The following DPY19L3 variants were observed in gnomAD, a reference collection of about 807,000 sequenced individuals.
DPY19L3 encodes protein C-mannosyl-transferase DPY19L3.
DPY19L3 carries 51 observed loss-of-function variants against 92.3 expected under a neutral mutation model. The ratio of observed to expected loss-of-function variants is 0.55; its 90% CI spans 0.44 to 0.70. The LOEUF is 0.70. Among genes scored for constraint, DPY19L3 ranks in the 30% least tolerant of loss-of-function variants. The probability of loss-of-function intolerance (pLI) is 0.00; values close to 1 mark genes in which losing one functional copy is unlikely to be tolerated. For missense variants in DPY19L3, 706 were observed against 855.9 expected (o/e 0.82, Z 2.18); for synonymous variants, 309 against 315.2 (o/e 0.98, Z 0.21).
At chr19:32,437,474 G>T in intron 6 of DPY19L3, 135 bp downstream of exon 6, 1 of 1,017,000 alleles carries the variant, frequency 9.8e-7, no homozygotes. Flanking sequence ...TTGCCTGGTG[G>T]TTTACTCAAT....
intron 7 of DPY19L3, 135 bp downstream of exon 7, chr19:32,439,370 A>ATTT (rs1969252426): frequency 2.1e-6 from 2 of 971,728 alleles, no homozygotes; most frequent in South Asian, 4.8e-5. Context: ...CTTGAGTTAA[A>ATTT]TTAAGTTTTC....
rs1442639004 is a variant in DPY19L3, at chr19:32,483,464, A to G, written c.*1224A>G. The G allele has an allele frequency of 6.6e-6, 1 of 152,664 alleles. No homozygotes were observed. The allele number at this position is 152,664 out of a possible 1,614,324, so 9.5% of individuals were successfully genotyped here. A position where few individuals can be genotyped will look rare whatever the true frequency, so the allele number is the denominator to read the frequency against. ...GTAAGAACATAGTATGCATTTAATTAAATCAAGATGGCTAATGGAATTAAC... is the reference window on the plus strand; with the variant it reads ...GTAAGAACATAGTATGCATTTAATTGAATCAAGATGGCTAATGGAATTAAC... On this transcript the variant is annotated 3_prime_UTR_variant, in exon 19 of 19. Coordinates refer to ENST00000392250, the MANE Select transcript of DPY19L3 (RefSeq NM_001172774.2).
chr19:32,446,954 C>A (rs1032506774), intron 8 of DPY19L3, among the ~76,000 whole-genome samples: 3 of 152,100 alleles, frequency 2.0e-5, no homozygotes, highest in South Asian at 2.1e-4. Flanking sequence ...CAGACTATCT[C>A]CCGAGCCATA....
chr19:32,452,091 G>T (rs1599644942), intron 8 of DPY19L3, among the ~76,000 whole-genome samples: 1 of 152,328 alleles, frequency 6.6e-6, no homozygotes, highest in East Asian at 1.9e-4. Flanking sequence ...TTCCCAAGAT[G>T]TTGGGATTAC....
intron 6 of DPY19L3, among the ~76,000 whole-genome samples, chr19:32,438,508 CTT>C (rs199998979): frequency 0.013 from 2,019 of 151,858 alleles, 24 homozygotes; most frequent in Non-Finnish European, 0.023. Flanking sequence ...ATATCTCTAT[CTT>C]TTATAGAGAG....
rs1046586168 is a variant in DPY19L3, at chr19:32,483,471, G to T, written c.*1231G>T. The T allele has an allele frequency of 1.3e-5, 2 of 152,594 alleles. No individual in the cohort carries two copies. Among genetic ancestry groups the T allele is most frequent in the African/African-American group, 4.8e-5 (2 of 41,436 alleles). 9.5% of individuals were successfully genotyped at this position (152,594 alleles called of 1,614,324 possible). A position where few individuals can be genotyped will look rare whatever the true frequency, so the allele number is the denominator to read the frequency against. ...CATAGTATGCATTTAATTAAATCAA[G>T]ATGGCTAATGGAATTAACTTTCTCC... On this transcript the variant is annotated 3_prime_UTR_variant, in exon 19 of 19. Transcript: ENST00000392250.
chr19:32,423,173 G>A (rs574333163), intron 3 of DPY19L3, among the ~76,000 whole-genome samples: 14 of 152,188 alleles, frequency 9.2e-5, no homozygotes, highest in African/African-American at 3.4e-4. Flanking sequence ...ATTAGTGATA[G>A]AACAAAATGT....
chr19:32,443,942 G>A (rs1330379872), intron 8 of DPY19L3, among the ~76,000 whole-genome samples: 1 of 151,566 alleles, frequency 6.6e-6, no homozygotes, highest in Non-Finnish European at 1.5e-5. Flanking sequence ...TGTAATCACA[G>A]CTATTCAGGA....
chr19:32,415,444 A>G (rs1211701373), intron 3 of DPY19L3, among the ~76,000 whole-genome samples: 1 of 152,200 alleles, frequency 6.6e-6, no homozygotes. Context: ...CAGCCTGGCT[A>G]GAGAGTACAA....
At chr19:32,476,664 C>A (rs1970521520) in intron 16 of DPY19L3, among the ~76,000 whole-genome samples, 1 of 152,040 alleles carries the variant, frequency 6.6e-6, no homozygotes, top group Non-Finnish European at 1.5e-5. Flanking sequence ...GCCCCTCACA[C>A]CCCTGGAAGA....
rs12327772 is a variant in DPY19L3, at chr19:32,458,193, C to G, written c.1163+20C>G. On this transcript the variant is annotated intron_variant, in intron 11 of 18. Transcript: ENST00000392250. Reference sequence around the variant, plus strand: ...AACAAGGTATAACTGAATTGAAAGTCTATGTTTGCTATTTTCTATTGAATC... The same window carrying G: ...AACAAGGTATAACTGAATTGAAAGTGTATGTTTGCTATTTTCTATTGAATC... The G allele has an allele frequency of 0.04, 64,736 of 1,604,386 alleles. 1,426 individuals are homozygous for G. The highest frequency in any genetic ancestry group is 0.065 in the Middle Eastern group (387 of 5,996).
At chr19:32,458,032 A>T (rs77357038) in intron 10 of DPY19L3, 68 bp from the exon 11 acceptor site, 1 of 1,208,450 alleles carries the variant, frequency 8.3e-7, no homozygotes, top group Admixed American at 2.0e-5. Flanking sequence ...TGTAAATTCA[A>T]TGGGAAGTTA....
intron 8 of DPY19L3, among the ~76,000 whole-genome samples, chr19:32,448,926 T>G (rs1002200915): frequency 2.6e-5 from 4 of 152,236 alleles, no homozygotes; most frequent in Admixed American, 1.3e-4. Flanking sequence ...ATTTTTCTTT[T>G]GAATGTATAT....
intron 3 of DPY19L3, among the ~76,000 whole-genome samples, chr19:32,424,094 A>T (rs974168904): frequency 6.6e-6 from 1 of 151,918 alleles, no homozygotes; most frequent in African/African-American, 2.4e-5. Flanking sequence ...AGGTGGGAGG[A>T]TTGCTTGAGC....
intron 8 of DPY19L3, among the ~76,000 whole-genome samples, chr19:32,445,232 G>C (rs961640894): frequency 9.2e-5 from 14 of 151,516 alleles, no homozygotes; most frequent in African/African-American, 3.4e-4. Flanking sequence ...ATGGGGTCAG[G>C]AGATAGAGAC....
At chr19:32,446,304 G>A (rs180679739) in intron 8 of DPY19L3, among the ~76,000 whole-genome samples, 4 of 152,222 alleles carry the variant, frequency 2.6e-5, no homozygotes, top group Admixed American at 2.0e-4. Context: ...TAACCTACAG[G>A]AAGGCAGGAA....
intron 15 of DPY19L3, chr19:32,467,947 G>T (rs958639989): frequency 1.0e-6 from 1 of 985,406 alleles, no homozygotes; most frequent in African/African-American, 1.7e-5. Flanking sequence ...TATAAATACA[G>T]CCAGATGTAC....
Position 32,477,400 on chromosome 19 carries a change from TCCCTGAC to T in DPY19L3, c.1698-121_1698-115del. ...AACCGAAGCAAACTCCCGTTTTTTT[TCCCTGAC>T]TCGTAACACTTGGTAACATAGCTGG... is the stretch of plus-strand genomic sequence containing the variant. On this transcript the variant is annotated intron_variant, in intron 16 of 18. Transcript: ENST00000392250. 3.8e-6 allele frequency: 5 copies of T among 1,317,950 alleles called. No homozygotes were observed. In the Admixed American group the frequency reaches 6.9e-5, roughly 18 times the overall value. The allele number at this position is 1,317,950 out of a possible 1,614,324, so 81.6% of individuals were successfully genotyped here.
At chr19:32,455,127 T>C in intron 10 of DPY19L3, 87 bp downstream of exon 10, 1 of 920,838 alleles carries the variant, frequency 1.1e-6, no homozygotes, top group Non-Finnish European at 1.6e-6. Flanking sequence ...TTTTCTTTTT[T>C]AATAAACTAA....
Sources: gnomAD v4.1 joint callset for allele counts (sites outside exome capture counted in the v4.1 genomes callset) on GRCh38, gnomAD v4.1.1 for gene constraint, MANE v1.5 for transcripts, NCBI Gene and HGNC (gene_info 2026-07-23, HGNC 2026-07-21) for gene names.